Variants in ITGA11 observed in about 807,000 individuals in gnomAD.
The protein encoded by ITGA11 is integrin subunit alpha 11, also known as integrin alpha-11.
A neutral mutation model predicts 141.9 loss-of-function variants in ITGA11; 97 were observed. That is an observed-to-expected ratio of 0.68 (90% CI 0.58 to 0.81). The LOEUF is 0.81. Among genes scored for constraint, ITGA11 ranks in the 30% least tolerant of loss-of-function variants. The probability of loss-of-function intolerance (pLI) is 0.00; values close to 1 mark genes in which losing one functional copy is unlikely to be tolerated. For missense variants in ITGA11, 1,387 were observed against 1,559.2 expected (o/e 0.89, Z 1.86); for synonymous variants, 658 against 624.6 (o/e 1.05, Z -0.80).
chr15:68,408,191 G>C (rs961310422), intron 1 of ITGA11, among the ~76,000 whole-genome samples: 3 of 152,082 alleles, frequency 2.0e-5, no homozygotes, highest in African/African-American at 7.2e-5. Flanking sequence ...GAGCCTCTCT[G>C]ATGAGCTTCC....
chr15:68,366,360 A>G (rs985176032), intron 3 of ITGA11, among the ~76,000 whole-genome samples: 1 of 152,142 alleles, frequency 6.6e-6, no homozygotes. Flanking sequence ...CTGCTGGGAA[A>G]TTAAAGAGCA....
intron 1 of ITGA11, among the ~76,000 whole-genome samples, chr15:68,428,568 A>G (rs370141557): frequency 2.0e-5 from 3 of 152,294 alleles, no homozygotes; most frequent in East Asian, 1.9e-4. Context: ...TCCTCAGCTA[A>G]TGGCAGCTGA....
chr15:68,419,774 C>T (rs1896973214), intron 1 of ITGA11, among the ~76,000 whole-genome samples: 1 of 152,194 alleles, frequency 6.6e-6, no homozygotes, highest in Admixed American at 6.5e-5. Context: ...AGATGTATGA[C>T]CTTGGGCAAG....
rs772495324 is a variant in ITGA11 at position 68,311,270 on chromosome 15, G to T, written c.3087+20C>A. ...TCCTTCTGGTCCCCTCCCCTAGCCG[G>T]CTCCCAAGGCCATCACCACCTCGTC... On this transcript the variant is annotated intron_variant, in intron 25 of 29. Transcript: ENST00000315757. 3 of 1,516,768 alleles carry T rather than the reference G, an allele frequency of 2.0e-6. No individual in the cohort carries two copies. The highest frequency in any genetic ancestry group is 2.4e-5 in the East Asian group (1 of 41,070). 94.0% of individuals were successfully genotyped at this position (1,516,768 alleles called of 1,614,324 possible).
intron 6 of ITGA11, 24 bp downstream of exon 6, chr15:68,358,434 G>C (rs751040472): frequency 1.3e-6 from 2 of 1,590,092 alleles, no homozygotes; most frequent in Non-Finnish European, 1.7e-6. Context: ...GTTCAGAAGT[G>C]GAAAGAGCCC....
chr15:68,399,751 G>A (rs143567361), intron 2 of ITGA11, among the ~76,000 whole-genome samples: 52 of 152,080 alleles, frequency 3.4e-4, no homozygotes, highest in Admixed American at 9.8e-4. Flanking sequence ...CGAAACACTG[G>A]GTACACATGG....
chr15:68,311,353 G>A lies in ITGA11; in HGVS notation c.3024C>T (p.Thr1008=), dbSNP rs1419019881. The change falls in exon 25 of 30, where the codon ACC becomes ACT. Residue 1008 remains threonine (T), a synonymous_variant. Coordinates refer to ENST00000315757, the MANE Select transcript of ITGA11 (RefSeq NM_001004439.2). Reference sequence around the variant, plus strand: ...TGCCGCTCCTGGTGGCGATGGGAATGGTGATCTTCATCATCATCCCGTGGA... The same window carrying A: ...TGCCGCTCCTGGTGGCGATGGGAATAGTGATCTTCATCATCATCCCGTGGA... ...FPIHGMMMKI[T]IPIATRSGNR... is the part of the protein sequence containing the mutation. 1 of 1,578,072 alleles carries A rather than the reference G, an allele frequency of 6.3e-7. No homozygotes were observed. The highest frequency in any genetic ancestry group is 8.6e-7 in the Non-Finnish European group (1 of 1,160,872).
chr15:68,343,609 C>T (rs368037056), intron 10 of ITGA11, among the ~76,000 whole-genome samples: 4 of 152,000 alleles, frequency 2.6e-5, no homozygotes, highest in African/African-American at 2.4e-5. Context: ...TGGAGGTAGT[C>T]GCTGGTGGTG....
At position 68,325,810 on chromosome 15, in the gene ITGA11, G is replaced by A. The variant is rs934427078; in HGVS notation, c.2212-569C>T. Among the ~76,000 whole-genome samples, 7 of 152,206 alleles carry A rather than the reference G, an allele frequency of 4.6e-5. No homozygotes were observed. The highest frequency in any genetic ancestry group is 1.7e-4 in the African/African-American group (7 of 41,452). On this transcript the variant is annotated intron_variant, in intron 17 of 29. Transcript: ENST00000315757. The surrounding 1 kb of genome is among the most constrained non-coding windows in gnomAD (Gnocchi z 5.5). Reference sequence around the variant, plus strand: ...ATGGTAAGTAAAGGGGTTGCTTAGAGCAGCCTAAAAATTTCCCCTTGGAAC... The same window carrying A: ...ATGGTAAGTAAAGGGGTTGCTTAGAACAGCCTAAAAATTTCCCCTTGGAAC...
chr15:68,382,221 TG>T, intron 2 of ITGA11, among the ~76,000 whole-genome samples: 1 of 152,322 alleles, frequency 6.6e-6, no homozygotes, highest in African/African-American at 2.4e-5. Context: ...ATTACATTTT[TG>T]GAAATGTCCT....
chr15:68,382,009 C>T (rs1895874908), intron 2 of ITGA11, among the ~76,000 whole-genome samples: 1 of 152,186 alleles, frequency 6.6e-6, no homozygotes, highest in African/African-American at 2.4e-5. Flanking sequence ...ACACAGAAGC[C>T]GGCCTTGGGT....
At chr15:68,344,035 C>T (rs1383408166) in intron 10 of ITGA11, among the ~76,000 whole-genome samples, 1 of 152,140 alleles carries the variant, frequency 6.6e-6, no homozygotes, top group Non-Finnish European at 1.5e-5. Context: ...TTGGTTGCCT[C>T]CTGTCAGAGG....
intron 7 of ITGA11, among the ~76,000 whole-genome samples, chr15:68,354,338 A>T (rs1319647416): frequency 6.6e-6 from 1 of 152,124 alleles, no homozygotes; most frequent in Non-Finnish European, 1.5e-5. Context: ...ATCACACCAC[A>T]TTGTTCAGGG....
intron 1 of ITGA11, among the ~76,000 whole-genome samples, chr15:68,430,922 C>A (rs1371560540): frequency 6.6e-6 from 1 of 152,218 alleles, no homozygotes; most frequent in Non-Finnish European, 1.5e-5. Context: ...ATAGGGGTCT[C>A]CACCTGAGCT....
intron 3 of ITGA11, among the ~76,000 whole-genome samples, chr15:68,367,340 C>G (rs1394715815): frequency 2.0e-5 from 3 of 152,138 alleles, no homozygotes; most frequent in African/African-American, 4.8e-5. Flanking sequence ...TCCACCACAC[C>G]CCAACCTCAT....
Position 68,301,665 on chromosome 15 carries a change from T to A in ITGA11, c.*1394A>T, listed in dbSNP as rs531244944. 4.6e-5 allele frequency: 7 copies of A among 152,460 alleles called. No homozygotes were observed. Among genetic ancestry groups the A allele is most frequent in the African/African-American group, 1.7e-4 (7 of 41,564 alleles). 9.4% of individuals were successfully genotyped at this position (152,460 alleles called of 1,614,324 possible). A position where few individuals can be genotyped will look rare whatever the true frequency, so the allele number is the denominator to read the frequency against. ...CTTCAAAGGGGAGTATGGCTCACTG[T>A]GATATGCTCTGCCCACAGAATGGGA... is the stretch of plus-strand genomic sequence containing the variant. On this transcript the variant is annotated 3_prime_UTR_variant, in exon 30 of 30. Coordinates refer to ENST00000315757, the MANE Select transcript of ITGA11 (RefSeq NM_001004439.2). The surrounding 1 kb of genome is among the most constrained non-coding windows in gnomAD (Gnocchi z 4.4).
At chr15:68,387,424 G>A (rs1306298033) in intron 2 of ITGA11, among the ~76,000 whole-genome samples, 1 of 152,168 alleles carries the variant, frequency 6.6e-6, no homozygotes, top group African/African-American at 2.4e-5. Context: ...CACCTGGGAA[G>A]TTCTAGAAAA....
intron 2 of ITGA11, among the ~76,000 whole-genome samples, chr15:68,395,119 G>C (rs1305565880): frequency 6.6e-6 from 1 of 152,014 alleles, no homozygotes; most frequent in Non-Finnish European, 1.5e-5. Context: ...CAAACAGAAA[G>C]GAATAGCATC....
At chr15:68,359,197 A>G (rs7496244) in intron 5 of ITGA11, among the ~76,000 whole-genome samples, 11,794 of 152,270 alleles carry the variant, frequency 0.077, 998 homozygotes, top group African/African-American at 0.21. Context: ...CAAATGCTCA[A>G]TAAATCTGAA....
Sources: gnomAD v4.1 joint callset for allele counts (sites outside exome capture counted in the v4.1 genomes callset) on GRCh38, gnomAD v4.1.1 for gene constraint, Gnocchi (gnomAD v3.1) non-coding constraint, MANE v1.5 for transcripts, NCBI Gene and HGNC (gene_info 2026-07-23, HGNC 2026-07-21) for gene names.